Variants in FAM227B observed in about 807,000 individuals in gnomAD.
FAM227B encodes protein FAM227B.
A neutral mutation model predicts 73.8 loss-of-function variants in FAM227B; 88 were observed. The observed-to-expected ratio is 1.19, with a 90% CI of 1.00 to 1.42. The LOEUF (loss-of-function observed/expected upper bound fraction) is 1.42. Ranked by LOEUF, FAM227B falls within the 40% of genes most tolerant of loss-of-function variation. The pLI, the probability that FAM227B is intolerant of heterozygous loss-of-function variation, is 0.00. For synonymous variants in FAM227B, 210 were observed against 190.5 expected (o/e 1.10, Z -0.84); for missense variants, 632 against 590.9 (o/e 1.07, Z -0.72).
chr15:49,569,278 T>C (rs978234848), intron 8 of FAM227B, among the ~76,000 whole-genome samples: 2 of 152,038 alleles, frequency 1.3e-5, no homozygotes, highest in African/African-American at 4.8e-5. Context: ...ATAGTCATTC[T>C]AGCTAAAGGT....
chr15:49,567,358 T>C (rs2074742696), intron 9 of FAM227B, among the ~76,000 whole-genome samples: 1 of 152,136 alleles, frequency 6.6e-6, no homozygotes, highest in Non-Finnish European at 1.5e-5. Flanking sequence ...AGAGGCTGAG[T>C]GGCTTGCTGA....
intron 11 of FAM227B, among the ~76,000 whole-genome samples, chr15:49,460,860 T>C (rs924059961): frequency 4.6e-5 from 7 of 152,226 alleles, no homozygotes; most frequent in Admixed American, 6.5e-5. Flanking sequence ...TGTTTGATTA[T>C]GTTTTGTTTT....
chr15:49,428,956 C>T (rs533841252), intron 11 of FAM227B, among the ~76,000 whole-genome samples: 5 of 152,116 alleles, frequency 3.3e-5, no homozygotes, highest in Admixed American at 2.0e-4. Context: ...ACTTTGGCTA[C>T]AAAACCTTCA....
At chr15:49,351,668 A>G (rs1225718667) in intron 13 of FAM227B, among the ~76,000 whole-genome samples, 1 of 152,206 alleles carries the variant, frequency 6.6e-6, no homozygotes. Context: ...CTTGGAATCA[A>G]TACCTGTGGT....
At chr15:49,358,095 A>G (rs900105442) in intron 13 of FAM227B, among the ~76,000 whole-genome samples, 21 of 152,134 alleles carry the variant, frequency 1.4e-4, no homozygotes, top group African/African-American at 5.1e-4. Flanking sequence ...TTTCAAAATA[A>G]TAAGAGCTAT....
chr15:49,578,490 ATAGC>A (rs1052966797), intron 5 of FAM227B, among the ~76,000 whole-genome samples: 2 of 152,134 alleles, frequency 1.3e-5, no homozygotes, highest in Admixed American at 6.6e-5. Context: ...AGATAGATAG[ATAGC>A]AGGTTAATTT....
At chr15:49,367,726 A>G in intron 12 of FAM227B, 118 bp from the exon 13 acceptor site, 1 of 960,342 alleles carries the variant, frequency 1.0e-6, no homozygotes, top group Non-Finnish European at 1.5e-6. Context: ...AAAATAAAGG[A>G]AATTCTACAA....
At chr15:49,351,699 T>A (rs116123817) in intron 13 of FAM227B, among the ~76,000 whole-genome samples, 155 of 152,252 alleles carry the variant, frequency 1.0e-3, no homozygotes, top group African/African-American at 3.6e-3. Flanking sequence ...TAAAGTAACA[T>A]TGGACAGACA....
intron 11 of FAM227B, among the ~76,000 whole-genome samples, chr15:49,413,133 T>G (rs1449858997): frequency 6.6e-6 from 1 of 152,174 alleles, no homozygotes; most frequent in Non-Finnish European, 1.5e-5. Context: ...TTTGGCTCTG[T>G]GTCCTCACCC....
At chr15:49,497,809 GTGTT>G (rs2152078011) in intron 11 of FAM227B, among the ~76,000 whole-genome samples, 1 of 152,322 alleles carries the variant, frequency 6.6e-6, no homozygotes, top group South Asian at 2.1e-4. Context: ...AATGGAGGCT[GTGTT>G]TCTTTTAGAG....
At chr15:49,488,234 T>C (rs954013142) in intron 11 of FAM227B, 1 of 151,988 alleles carries the variant, frequency 6.6e-6, no homozygotes, top group Non-Finnish European at 1.5e-5. Flanking sequence ...AATAGCTCAT[T>C]AAAACTTCAT....
chr15:49,458,283 A>C (rs2053496907), intron 11 of FAM227B, among the ~76,000 whole-genome samples: 1 of 151,514 alleles, frequency 6.6e-6, no homozygotes. Context: ...GAGAAAAAGA[A>C]CCCCCCCACG....
intron 8 of FAM227B, among the ~76,000 whole-genome samples, chr15:49,568,601 G>A (rs1361937703): frequency 3.9e-5 from 6 of 151,942 alleles, no homozygotes; most frequent in Admixed American, 2.0e-4. Flanking sequence ...TTAAAGGCGT[G>A]CAGTAAAATT....
intron 11 of FAM227B, among the ~76,000 whole-genome samples, chr15:49,390,486 T>A (rs932610518): frequency 6.6e-6 from 1 of 152,084 alleles, no homozygotes; most frequent in African/African-American, 2.4e-5. Context: ...TTTGGATACT[T>A]CCCAATTATC....
intron 13 of FAM227B, among the ~76,000 whole-genome samples, chr15:49,355,995 T>C (rs2043092413): frequency 6.6e-6 from 1 of 151,328 alleles, no homozygotes; most frequent in African/African-American, 2.4e-5. Flanking sequence ...AAACTAAGCT[T>C]CATAAGTGAA....
At chr15:49,569,557 T>C (rs990794872) in intron 8 of FAM227B, among the ~76,000 whole-genome samples, 6 of 152,022 alleles carry the variant, frequency 3.9e-5, no homozygotes, top group African/African-American at 1.4e-4. Flanking sequence ...ATCATTTTGA[T>C]AAATGTATAC....
chr15:49,408,728 T>C (rs2048680562), intron 11 of FAM227B, among the ~76,000 whole-genome samples: 1 of 152,194 alleles, frequency 6.6e-6, no homozygotes, highest in Non-Finnish European at 1.5e-5. Context: ...TGATACCTAA[T>C]CCTGTTTTTT....
chr15:49,443,163 T>C (rs900707245), intron 11 of FAM227B, among the ~76,000 whole-genome samples: 2 of 151,730 alleles, frequency 1.3e-5, no homozygotes, highest in Admixed American at 1.3e-4. Context: ...TTCAAAAATT[T>C]TGTTAACTTA....
intron 9 of FAM227B, among the ~76,000 whole-genome samples, chr15:49,555,716 A>G (rs1342728623): frequency 6.6e-6 from 1 of 152,058 alleles, no homozygotes; most frequent in East Asian, 1.9e-4. Context: ...ATAATCCCAT[A>G]TCTCTAGAAG....
Sources: allele counts gnomAD v4.1 joint callset (sites outside exome capture counted in the v4.1 genomes callset), GRCh38; gene constraint gnomAD v4.1.1; transcripts MANE v1.5; gene names NCBI Gene and HGNC (gene_info 2026-07-23, HGNC 2026-07-21).